PCDH9: variants seen among roughly 807,000 people sequenced by gnomAD.
PCDH9 encodes protocadherin 9, also known as protocadherin-9.
Under a neutral mutation model 70.6 loss-of-function variants are expected in PCDH9, and 24 were observed. The observed-to-expected ratio is 0.34, with a 90% CI of 0.25 to 0.48. PCDH9 has a LOEUF of 0.48. Ranked by LOEUF, PCDH9 falls within the 20% of genes least tolerant of loss-of-function variation. PCDH9 has a pLI of 0.99. For missense variants in PCDH9, 1,281 were observed against 1,503.6 expected (o/e 0.85, Z 2.45); for synonymous variants, 562 against 558.5 (o/e 1.01, Z -0.09).
chr13:66,819,229 G>A (rs1164483680), intron 3 of PCDH9, among the ~76,000 whole-genome samples: 1 of 151,600 alleles, frequency 6.6e-6, no homozygotes, highest in Non-Finnish European at 1.5e-5. Flanking sequence ...TTAATCAGGT[G>A]CCCAAATCTT....
rs552935630 is a variant in PCDH9, at chr13:66,574,866, C to G, written c.3340+56344G>C. 2.0e-5 allele frequency among the ~76,000 whole-genome samples: 3 copies of G among 152,264 alleles called. No individual in the cohort carries two copies. The East Asian group carries it at 5.8e-4, about 29-fold the overall frequency. ...ACTCAGTGCAGGAAATAAAGAATGA[C>G]CTAGTAATAGCAAAGATATTTTTGG... On this transcript the variant is annotated intron_variant, in intron 4 of 4. Coordinates refer to ENST00000377865, the MANE Select transcript of PCDH9 (RefSeq NM_203487.3).
In PCDH9 at chr13:66,802,180, T is replaced by C. The variant is rs183723939; in HGVS notation, c.3138+101324A>G. On this transcript the variant is annotated intron_variant, in intron 3 of 4. Coordinates refer to ENST00000377865, the MANE Select transcript of PCDH9 (RefSeq NM_203487.3). ...TTTTAGTCTGCCCTTAAAAAATAAT[T>C]CTAGTTAGTATTAATCAAAGTTTCA... Among the ~76,000 whole-genome samples the C allele has an allele frequency of 1.4e-4, 21 of 152,062 alleles. 1 individual carries two copies. In the East Asian group the frequency reaches 3.7e-3, roughly 27 times the overall value.
At chr13:66,491,425 G>C (rs1251639178) in intron 4 of PCDH9, among the ~76,000 whole-genome samples, 1 of 150,550 alleles carries the variant, frequency 6.6e-6, no homozygotes, top group East Asian at 2.0e-4. Flanking sequence ...GTGTATGAGA[G>C]AGAGAGACTG....
chr13:66,391,765 G>T (rs1319887158), intron 4 of PCDH9, among the ~76,000 whole-genome samples: 11 of 151,794 alleles, frequency 7.2e-5, no homozygotes, highest in Non-Finnish European at 4.4e-5. Context: ...CCATGAAAGT[G>T]ATACATGTCA....
chr13:66,348,642 T>C (rs1375345889), intron 4 of PCDH9, among the ~76,000 whole-genome samples: 1 of 151,054 alleles, frequency 6.6e-6, no homozygotes, highest in Admixed American at 6.7e-5. Context: ...CCTATTGCCA[T>C]ATTTCTCAAG....
chr13:67,059,942 C>A (rs1201936969), intron 2 of PCDH9, among the ~76,000 whole-genome samples: 1 of 145,914 alleles, frequency 6.9e-6, no homozygotes, highest in Non-Finnish European at 1.5e-5. Context: ...AAAAGTTTAA[C>A]AAACATGTTT....
rs66796123 is a variant in PCDH9, at chr13:66,437,404, C to CAAAAAAAAAAAAAAAAAA, written c.3341-132394_3341-132377dup. Among the ~76,000 whole-genome samples the CAAAAAAAAAAAAAAAAAA allele has an allele frequency of 7.7e-4, 35 of 45,586 alleles. 1 individual carries two copies. Among genetic ancestry groups the CAAAAAAAAAAAAAAAAAA allele is most frequent in the African/African-American group, 2.3e-3 (33 of 14,558 alleles). The allele number at this position is 45,586 out of a possible 152,430, so 29.9% of individuals were successfully genotyped here. On this transcript the variant is annotated intron_variant, in intron 4 of 4. Transcript: ENST00000377865. ...TGGGTGACAGAGCAAGACTCTGTCT[C>CAAAAAAAAAAAAAAAAAA]AAAAAAAAAAAAAAAAAAAAAAGGA...
chr13:67,191,541 T>C (rs1463419033), intron 2 of PCDH9, among the ~76,000 whole-genome samples: 1 of 152,122 alleles, frequency 6.6e-6, no homozygotes, highest in Non-Finnish European at 1.5e-5. Context: ...AGGAACACAT[T>C]CTCACATTTC....
At chr13:66,700,226 A>G (rs1220052657) in intron 3 of PCDH9, among the ~76,000 whole-genome samples, 1 of 152,162 alleles carries the variant, frequency 6.6e-6, no homozygotes, top group African/African-American at 2.4e-5. Flanking sequence ...TAGGCTGGGT[A>G]GAAAGGCTTG....
At chr13:66,689,149 G>A (rs149999714) in intron 3 of PCDH9, among the ~76,000 whole-genome samples, 2 of 152,096 alleles carry the variant, frequency 1.3e-5, no homozygotes, top group East Asian at 3.9e-4. Flanking sequence ...CAAATATTGA[G>A]CCTTAATTTT....
chr13:66,478,850 G>T (rs1958782300), intron 4 of PCDH9, among the ~76,000 whole-genome samples: 1 of 152,212 alleles, frequency 6.6e-6, no homozygotes, highest in Non-Finnish European at 1.5e-5. Context: ...AGAAGATATA[G>T]CTAAGATAAT....
intron 2 of PCDH9, among the ~76,000 whole-genome samples, chr13:66,907,871 T>G (rs1170118497): frequency 1.3e-5 from 2 of 152,190 alleles, no homozygotes; most frequent in African/African-American, 4.8e-5. Flanking sequence ...ATAGAAGTTT[T>G]GCAGTCATTA....
chr13:66,589,304 T>A (rs760205744), intron 4 of PCDH9, among the ~76,000 whole-genome samples: 1 of 152,046 alleles, frequency 6.6e-6, no homozygotes, highest in Non-Finnish European at 1.5e-5. Context: ...GAATTAATAC[T>A]AGTGTTTGAT....
intron 4 of PCDH9, among the ~76,000 whole-genome samples, chr13:66,376,964 A>G (rs1956759022): frequency 6.6e-6 from 1 of 152,166 alleles, no homozygotes; most frequent in Admixed American, 6.5e-5. Context: ...GTTATACTAA[A>G]TTATTAATAG....
intron 3 of PCDH9, among the ~76,000 whole-genome samples, chr13:66,657,375 C>T (rs1359989288): frequency 6.6e-6 from 1 of 152,160 alleles, no homozygotes; most frequent in Non-Finnish European, 1.5e-5. Context: ...AACACAAAGT[C>T]ACTTAATCAT....
At chr13:66,999,669 G>A (rs1277371771) in intron 2 of PCDH9, among the ~76,000 whole-genome samples, 2 of 151,764 alleles carry the variant, frequency 1.3e-5, no homozygotes, top group Non-Finnish European at 2.9e-5. Context: ...AAAAGTGGGT[G>A]AAGGACATGA....
At chr13:67,188,570 C>G (rs1157641766) in intron 2 of PCDH9, among the ~76,000 whole-genome samples, 2 of 151,812 alleles carry the variant, frequency 1.3e-5, no homozygotes, top group African/African-American at 4.8e-5. Flanking sequence ...ATGTACATGT[C>G]CTTTTAATGA....
intron 3 of PCDH9, among the ~76,000 whole-genome samples, chr13:66,834,348 G>T (rs2080979930): frequency 6.6e-6 from 1 of 151,772 alleles, no homozygotes; most frequent in Non-Finnish European, 1.5e-5. Context: ...AGTAGAGACG[G>T]CCAGGCTGGT....
intron 4 of PCDH9, among the ~76,000 whole-genome samples, chr13:66,456,120 A>G (rs1162699378): frequency 6.6e-6 from 1 of 152,182 alleles, no homozygotes; most frequent in African/African-American, 2.4e-5. Context: ...AAATACTAAA[A>G]ATTAAATGCT....
Sources: allele counts gnomAD v4.1 joint callset (sites outside exome capture counted in the v4.1 genomes callset), GRCh38; gene constraint gnomAD v4.1.1; transcripts MANE v1.5; gene names NCBI Gene and HGNC (gene_info 2026-07-23, HGNC 2026-07-21).